ST6GALNAC5: variants seen among roughly 807,000 people sequenced by gnomAD.
ST6GALNAC5 encodes alpha-N-acetylgalactosaminide alpha-2,6-sialyltransferase 5.
Under a neutral mutation model 33.6 loss-of-function variants are expected in ST6GALNAC5, and 27 were observed. The observed-to-expected ratio is 0.80, with a 90% CI of 0.59 to 1.11. The LOEUF (loss-of-function observed/expected upper bound fraction) is 1.11. ST6GALNAC5 is among the 50% of genes least tolerant of loss of function. The pLI is 0.00. For synonymous variants in ST6GALNAC5, 194 were observed against 171.2 expected (o/e 1.13, Z -1.04); for missense variants, 428 against 454.0 (o/e 0.94, Z 0.52).
chr1:77,057,691 T>C (rs997332445), intron 4 of ST6GALNAC5, among the ~76,000 whole-genome samples: 4 of 152,210 alleles, frequency 2.6e-5, no homozygotes, highest in African/African-American at 7.2e-5. Context: ...CAAAGAAATC[T>C]TTTATGAACT....
At chr1:76,885,793 C>G (rs1185015581) in intron 2 of ST6GALNAC5, among the ~76,000 whole-genome samples, 1 of 152,200 alleles carries the variant, frequency 6.6e-6, no homozygotes. Flanking sequence ...GCTTCCATCT[C>G]TTTCATCCCC....
chr1:77,007,327 C>T (rs1650462193), intron 2 of ST6GALNAC5, among the ~76,000 whole-genome samples: 1 of 152,230 alleles, frequency 6.6e-6, no homozygotes, highest in South Asian at 2.1e-4. Context: ...CATGCCCCAG[C>T]ACCTCTGCAA....
At chr1:76,962,083 T>C (rs1370204784) in intron 2 of ST6GALNAC5, among the ~76,000 whole-genome samples, 1 of 152,168 alleles carries the variant, frequency 6.6e-6, no homozygotes, top group Non-Finnish European at 1.5e-5. Context: ...AGATAAACAG[T>C]TGGCTGATTT....
intron 2 of ST6GALNAC5, among the ~76,000 whole-genome samples, chr1:76,978,303 G>A (rs1235143127): frequency 1.3e-5 from 2 of 152,038 alleles, no homozygotes; most frequent in African/African-American, 2.4e-5. Context: ...TTCCTGTGCT[G>A]TACAGAAGCT....
intron 2 of ST6GALNAC5, among the ~76,000 whole-genome samples, chr1:76,876,978 C>G (rs1198565797): frequency 2.0e-5 from 3 of 152,180 alleles, no homozygotes; most frequent in Non-Finnish European, 4.4e-5. Context: ...CCTTCAGGAC[C>G]TGCTCAAGCC....
chr1:77,047,848 C>T (rs1652067575), intron 3 of ST6GALNAC5, among the ~76,000 whole-genome samples: 1 of 152,162 alleles, frequency 6.6e-6, no homozygotes, highest in Admixed American at 6.5e-5. Flanking sequence ...TGTGTTACTT[C>T]ATCATATAAA....
chr1:76,971,027 T>C (rs1648736338), intron 2 of ST6GALNAC5, among the ~76,000 whole-genome samples: 1 of 152,182 alleles, frequency 6.6e-6, no homozygotes, highest in Admixed American at 6.6e-5. Flanking sequence ...TGATAGTGAA[T>C]TGAAATGGTA....
chr1:77,029,943 T>C (rs1393473067), intron 2 of ST6GALNAC5, among the ~76,000 whole-genome samples: 2 of 152,204 alleles, frequency 1.3e-5, no homozygotes, highest in Non-Finnish European at 2.9e-5. Context: ...ATGAATGTCA[T>C]TTATGGGAAT....
At chr1:77,026,652 T>C (rs1427756135) in intron 2 of ST6GALNAC5, among the ~76,000 whole-genome samples, 1 of 152,216 alleles carries the variant, frequency 6.6e-6, no homozygotes, top group Non-Finnish European at 1.5e-5. Flanking sequence ...ATGTTTTACT[T>C]ATTTATTGAT....
chr1:76,910,402 G>A (rs925520568), intron 2 of ST6GALNAC5, among the ~76,000 whole-genome samples: 7 of 152,002 alleles, frequency 4.6e-5, no homozygotes, highest in East Asian at 3.9e-4. Flanking sequence ...AAATAAAAGC[G>A]AAGTAAATAT....
chr1:77,030,580 G>C (rs1429986286), intron 2 of ST6GALNAC5, among the ~76,000 whole-genome samples: 1 of 152,190 alleles, frequency 6.6e-6, no homozygotes, highest in Non-Finnish European at 1.5e-5. Context: ...CAGAGGAATA[G>C]CTAGAATACT....
At chr1:77,049,444 A>G (rs1383577604) in intron 3 of ST6GALNAC5, among the ~76,000 whole-genome samples, 1 of 152,184 alleles carries the variant, frequency 6.6e-6, no homozygotes, top group Non-Finnish European at 1.5e-5. Context: ...TGGTAGGCTG[A>G]GTCATTCTCA....
chr1:77,001,689 T>C lies in ST6GALNAC5; in HGVS notation c.262-42515T>C, dbSNP rs1257434763. Among the ~76,000 whole-genome samples the C allele has an allele frequency of 4.0e-5, 6 of 151,748 alleles. No individual in the cohort carries two copies. The South Asian group carries it at 6.3e-4, about 16-fold the overall frequency. Reference sequence around the variant, plus strand: ...ATCAATACCTAATTTATTGAGAGTTTTTAGCATGAAGGGTTGTTGAATTTT... The same window carrying C: ...ATCAATACCTAATTTATTGAGAGTTCTTAGCATGAAGGGTTGTTGAATTTT... On this transcript the variant is annotated intron_variant, in intron 2 of 4. Transcript: ENST00000477717.
chr1:77,052,951 G>A (rs1247258913), intron 4 of ST6GALNAC5, among the ~76,000 whole-genome samples: 2 of 151,480 alleles, frequency 1.3e-5, no homozygotes, highest in Non-Finnish European at 2.9e-5. Flanking sequence ...AATTTTAAGG[G>A]GGGCTTCAAA....
chr1:76,970,129 A>G (rs1396830150), intron 2 of ST6GALNAC5, among the ~76,000 whole-genome samples: 1 of 152,068 alleles, frequency 6.6e-6, no homozygotes, highest in Admixed American at 6.5e-5. Flanking sequence ...AACTCTGAAA[A>G]CCAGAGTGCT....
chr1:76,980,482 G>C (rs1050405898), intron 2 of ST6GALNAC5, among the ~76,000 whole-genome samples: 5 of 152,140 alleles, frequency 3.3e-5, no homozygotes, highest in Non-Finnish European at 5.9e-5. Flanking sequence ...GGTATATTTT[G>C]AGGCATATCA....
chr1:76,880,554 C>T (rs911387890), intron 2 of ST6GALNAC5, among the ~76,000 whole-genome samples: 2 of 152,148 alleles, frequency 1.3e-5, no homozygotes, highest in African/African-American at 4.8e-5. Flanking sequence ...AGAGCCAGTC[C>T]GAGTCTCAAA....
chr1:76,997,690 G>A (rs184292882), intron 2 of ST6GALNAC5, among the ~76,000 whole-genome samples: 6 of 152,156 alleles, frequency 3.9e-5, no homozygotes, highest in African/African-American at 1.4e-4. Context: ...AATAGTTCTA[G>A]ATTGAAGCTA....
intron 2 of ST6GALNAC5, among the ~76,000 whole-genome samples, chr1:77,038,895 C>T (rs1017687779): frequency 4.6e-5 from 7 of 152,066 alleles, no homozygotes; most frequent in Non-Finnish European, 1.0e-4. Flanking sequence ...GTTGTTGTTG[C>T]TGGGGGTGGG....
Sources: gnomAD v4.1 joint callset for allele counts (sites outside exome capture counted in the v4.1 genomes callset) on GRCh38, gnomAD v4.1.1 for gene constraint, MANE v1.5 for transcripts, NCBI Gene and HGNC (gene_info 2026-07-23, HGNC 2026-07-21) for gene names.